The following KLRG1 variants were observed in gnomAD, a reference collection of about 807,000 sequenced individuals.
KLRG1 encodes killer cell lectin like receptor G1, also known as killer cell lectin-like receptor subfamily G member 1.
A neutral mutation model predicts 21.8 loss-of-function variants in KLRG1; 16 were observed. The ratio of observed to expected loss-of-function variants is 0.73; its 90% confidence interval spans 0.50 to 1.11. The LOEUF is 1.11. KLRG1 is among the 50% of genes most tolerant of loss of function. KLRG1 has a pLI of 0.00. For synonymous variants in KLRG1, 69 were observed against 75.9 expected (o/e 0.91, Z 0.47); for missense variants, 173 against 218.3 (o/e 0.79, Z 1.31).
At chr12:8,962,218 C>T (rs1311887602) in intron 1 of KLRG1, among the ~76,000 whole-genome samples, 1 of 152,076 alleles carries the variant, frequency 6.6e-6, no homozygotes, top group Non-Finnish European at 1.5e-5. Context: ...TATAAATACA[C>T]TCCATATGTT....
the KLRG1 span, among the ~76,000 whole-genome samples, chr12:9,104,851 G>T: frequency 6.6e-6 from 1 of 152,130 alleles, no homozygotes; most frequent in Non-Finnish European, 1.5e-5. Context: ...CTATTTTGGA[G>T]TGGACCATTA....
chr12:9,102,182 G>A, the KLRG1 span, among the ~76,000 whole-genome samples: 3 of 152,270 alleles, frequency 2.0e-5, no homozygotes, highest in East Asian at 5.8e-4. Context: ...ATTAGCTGAA[G>A]TCTACCTCTT....
chr12:9,076,892 C>G, the KLRG1 span: 1 of 1,610,664 alleles, frequency 6.2e-7, no homozygotes, highest in Non-Finnish European at 8.5e-7. Context: ...GTGCTGTCTT[C>G]CAGGCTGACT....
intron 1 of KLRG1, among the ~76,000 whole-genome samples, chr12:8,965,755 A>G: frequency 6.6e-6 from 1 of 152,240 alleles, no homozygotes; most frequent in Non-Finnish European, 1.5e-5. Flanking sequence ...GAAAATGGCC[A>G]TACTGCCCAA....
the KLRG1 span, chr12:9,101,184 G>C: frequency 6.4e-7 from 1 of 1,561,258 alleles, no homozygotes; most frequent in Non-Finnish European, 8.7e-7. Flanking sequence ...TCCCAGTTCG[G>C]ACAATGCCTC....
At chr12:8,956,334 A>G (rs1002035814) in intron 1 of KLRG1, among the ~76,000 whole-genome samples, 1 of 152,178 alleles carries the variant, frequency 6.6e-6, no homozygotes, top group Non-Finnish European at 1.5e-5. Flanking sequence ...AAGCTTGTGG[A>G]CAGCAGGAAT....
intron 1 of KLRG1, among the ~76,000 whole-genome samples, chr12:8,967,192 G>T (rs1425044349): frequency 6.7e-5 from 8 of 119,836 alleles, no homozygotes; most frequent in African/African-American, 2.5e-4. Context: ...TTGTGGGGTG[G>T]GGGGAGGGGG....
At chr12:9,152,348 C>A in the KLRG1 span, 1 of 1,543,758 alleles carries the variant, frequency 6.5e-7, no homozygotes, top group Non-Finnish European at 9.0e-7. Context: ...GGGTTTTATA[C>A]GTGAAAGAAA....
chr12:9,166,128 G>A, the KLRG1 span: 3 of 1,613,924 alleles, frequency 1.9e-6, no homozygotes, highest in Non-Finnish European at 2.5e-6. Context: ...CCTGAACTTT[G>A]TTCATTATTT....
chr12:9,202,710 C>G, the KLRG1 span: 1 of 1,605,228 alleles, frequency 6.2e-7, no homozygotes, highest in Non-Finnish European at 8.5e-7. Flanking sequence ...TTTTTTACTA[C>G]TGAGGAACTG....
chr12:9,081,777 C>T, the KLRG1 span, among the ~76,000 whole-genome samples: 127 of 152,316 alleles, frequency 8.3e-4, no homozygotes, highest in Admixed American at 2.2e-3. Flanking sequence ...AGGAAGCCCA[C>T]TCTGGTCTCA....
At chr12:9,062,910 C>T in the KLRG1 span, among the ~76,000 whole-genome samples, 5 of 151,622 alleles carry the variant, frequency 3.3e-5, no homozygotes, top group East Asian at 1.9e-4. Context: ...GTACTACTAA[C>T]GGCTTAGGGT....
chr12:9,068,310 A>G, the KLRG1 span: 1 of 1,410,268 alleles, frequency 7.1e-7, no homozygotes, highest in Non-Finnish European at 9.7e-7. Context: ...CAGGCCAAGG[A>G]AGGAGTTTGT....
chr12:9,150,921 C>G, the KLRG1 span, among the ~76,000 whole-genome samples: 6 of 152,180 alleles, frequency 3.9e-5, no homozygotes, highest in Non-Finnish European at 7.3e-5. Context: ...TATTTACAGT[C>G]AACAAATTTT....
the KLRG1 span, among the ~76,000 whole-genome samples, chr12:9,024,919 G>A: frequency 1.3e-5 from 2 of 152,182 alleles, no homozygotes; most frequent in East Asian, 3.8e-4. Context: ...GGGAAAGGAA[G>A]TAAAGAAGAG....
At chr12:8,976,019 A>C (rs1946652453) in intron 1 of KLRG1, among the ~76,000 whole-genome samples, 1 of 151,230 alleles carries the variant, frequency 6.6e-6, no homozygotes, top group Non-Finnish European at 1.5e-5. Context: ...CATTTGGCTT[A>C]ATTTGTTTTT....
chr12:9,114,858 C>T, the KLRG1 span, among the ~76,000 whole-genome samples: 1 of 151,926 alleles, frequency 6.6e-6, no homozygotes, highest in Admixed American at 6.6e-5. Flanking sequence ...TTCAAAAATA[C>T]TTGTATATAA....
chr12:9,201,335 A>T, the KLRG1 span: 2 of 1,556,786 alleles, frequency 1.3e-6, no homozygotes, highest in Admixed American at 3.5e-5. Flanking sequence ...ACCTCAAGGT[A>T]TATCAGTGGA....
chr12:8,997,974 G>A (rs1267880845), intron 3 of KLRG1, among the ~76,000 whole-genome samples: 4 of 151,862 alleles, frequency 2.6e-5, no homozygotes, highest in Admixed American at 6.6e-5. Flanking sequence ...ATTCTTAATC[G>A]TCACAGCAAT....
Sources: allele counts gnomAD v4.1 joint callset (sites outside exome capture counted in the v4.1 genomes callset), GRCh38; gene constraint gnomAD v4.1.1; transcripts MANE v1.5; gene names NCBI Gene and HGNC (gene_info 2026-07-23, HGNC 2026-07-21).